The following SAMMSON variants were observed in gnomAD, a reference collection of about 807,000 sequenced individuals.
SAMMSON encodes survival associated mitochondrial melanoma specific oncogenic non-coding RNA, also known as long intergenic non-protein coding RNA 1212.
intron 6 of SAMMSON, among the ~76,000 whole-genome samples, chr3:70,275,082 A>T (rs987598551): frequency 1.3e-5 from 2 of 152,208 alleles, no homozygotes; most frequent in African/African-American, 4.8e-5. Context: ...GCTGTTATTT[A>T]TAACCTCCAA....
At chr3:70,102,680 C>T (rs2106655292) in intron 4 of SAMMSON, among the ~76,000 whole-genome samples, 1 of 152,310 alleles carries the variant, frequency 6.6e-6, no homozygotes, top group Non-Finnish European at 1.5e-5. Context: ...TTCAAGCTCA[C>T]AGTCAATGAG....
chr3:70,259,915 A>G (rs889612970), intron 6 of SAMMSON, among the ~76,000 whole-genome samples: 5 of 152,168 alleles, frequency 3.3e-5, no homozygotes, highest in Non-Finnish European at 7.3e-5. Context: ...GGAAGCAGGA[A>G]GGAGAAGTGC....
chr3:70,063,943 C>A (rs528156980), intron 3 of SAMMSON, among the ~76,000 whole-genome samples: 2 of 152,160 alleles, frequency 1.3e-5, no homozygotes, highest in South Asian at 2.1e-4. Flanking sequence ...TACAGTAAAT[C>A]TTTTCCTACA....
At chr3:70,032,124 T>G (rs1172817315) in intron 3 of SAMMSON, among the ~76,000 whole-genome samples, 2 of 152,198 alleles carry the variant, frequency 1.3e-5, no homozygotes, top group Non-Finnish European at 2.9e-5. Context: ...AACATGATTC[T>G]TTTAGGGATG....
chr3:70,044,002 C>A (rs529889591), intron 3 of SAMMSON, among the ~76,000 whole-genome samples: 1 of 152,024 alleles, frequency 6.6e-6, no homozygotes, highest in African/African-American at 2.4e-5. Flanking sequence ...GTTTATGCAG[C>A]AAAATATATA....
intron 7 of SAMMSON, among the ~76,000 whole-genome samples, chr3:70,304,990 T>C (rs1482793799): frequency 6.6e-6 from 1 of 152,156 alleles, no homozygotes; most frequent in African/African-American, 2.4e-5. Context: ...AATGGAATGC[T>C]TTTCCCAGAT....
At chr3:70,264,798 C>T (rs1360949169) in intron 6 of SAMMSON, among the ~76,000 whole-genome samples, 1 of 152,168 alleles carries the variant, frequency 6.6e-6, no homozygotes, top group Non-Finnish European at 1.5e-5. Context: ...GCTATGGAAA[C>T]TCTTGGGTGT....
At chr3:70,281,957 C>G (rs542986453) in intron 6 of SAMMSON, among the ~76,000 whole-genome samples, 1 of 152,304 alleles carries the variant, frequency 6.6e-6, no homozygotes, top group South Asian at 2.1e-4. Context: ...CTGTGTACTG[C>G]ACAAGGCCAG....
intron 2 of SAMMSON, among the ~76,000 whole-genome samples, chr3:70,421,979 A>C (rs1050670670): frequency 2.6e-5 from 4 of 152,114 alleles, no homozygotes; most frequent in Admixed American, 2.6e-4. Context: ...TCCATTAAAA[A>C]ATGCAACCCA....
intron 2 of SAMMSON, among the ~76,000 whole-genome samples, chr3:70,412,992 T>G (rs894196244): frequency 6.6e-6 from 1 of 151,576 alleles, no homozygotes; most frequent in Non-Finnish European, 1.5e-5. Flanking sequence ...TGTTGTTGTT[T>G]TTTGTTTTTG....
At chr3:70,158,237 C>A (rs1463063526) in intron 4 of SAMMSON, among the ~76,000 whole-genome samples, 4 of 152,042 alleles carry the variant, frequency 2.6e-5, no homozygotes, top group Admixed American at 2.6e-4. Flanking sequence ...CTCCAGCAAC[C>A]ACTAATCTAT....
At chr3:70,244,389 C>T (rs1701687278) in intron 4 of SAMMSON, among the ~76,000 whole-genome samples, 1 of 152,040 alleles carries the variant, frequency 6.6e-6, no homozygotes, top group Admixed American at 6.6e-5. Flanking sequence ...GTCTTATGGG[C>T]CTGTCAAAAG....
At chr3:70,373,704 G>T (rs1393944035) in intron 9 of SAMMSON, among the ~76,000 whole-genome samples, 1 of 152,036 alleles carries the variant, frequency 6.6e-6, no homozygotes, top group Non-Finnish European at 1.5e-5. Context: ...CTTCAAGTTC[G>T]ATTATTATTT....
At chr3:70,309,575 T>C (rs1702437329) in intron 7 of SAMMSON, among the ~76,000 whole-genome samples, 1 of 152,194 alleles carries the variant, frequency 6.6e-6, no homozygotes, top group African/African-American at 2.4e-5. Flanking sequence ...ATGGCTGAGC[T>C]GAGATTTAGA....
intron 2 of SAMMSON, among the ~76,000 whole-genome samples, chr3:70,405,253 G>A (rs904363957): frequency 2.0e-5 from 3 of 152,046 alleles, no homozygotes; most frequent in Middle Eastern, 3.2e-3. Flanking sequence ...TTTAAAATTA[G>A]GCTGAAAGCC....
intron 6 of SAMMSON, among the ~76,000 whole-genome samples, chr3:70,257,787 G>A (rs367958998): frequency 1.6e-3 from 245 of 152,218 alleles, no homozygotes; most frequent in African/African-American, 5.7e-3. Context: ...CCAGCAGCAG[G>A]CATGTGTAGA....
chr3:70,155,811 C>T (rs2067590017), intron 4 of SAMMSON, among the ~76,000 whole-genome samples: 1 of 151,952 alleles, frequency 6.6e-6, no homozygotes, highest in African/African-American at 2.4e-5. Flanking sequence ...GGGTGGAGGG[C>T]AGAAGAGAGA....
intron 3 of SAMMSON, among the ~76,000 whole-genome samples, chr3:70,047,289 A>T (rs1313957880): frequency 6.6e-6 from 1 of 151,988 alleles, no homozygotes; most frequent in Non-Finnish European, 1.5e-5. Context: ...GATGCTCAGC[A>T]AATAGTAGGT....
At chr3:70,192,159 C>T (rs949523188) in intron 4 of SAMMSON, among the ~76,000 whole-genome samples, 4 of 152,164 alleles carry the variant, frequency 2.6e-5, no homozygotes, top group Admixed American at 2.0e-4. Context: ...CCACTTACCC[C>T]CTTTCCCCCA....
Sources: gnomAD v4.1 joint callset for allele counts (sites outside exome capture counted in the v4.1 genomes callset) on GRCh38, gnomAD v4.1.1 for gene constraint, MANE v1.5 for transcripts, NCBI Gene and HGNC (gene_info 2026-07-23, HGNC 2026-07-21) for gene names.